The following PLPPR1 variants were observed in gnomAD, a reference collection of about 807,000 sequenced individuals.
PLPPR1 encodes phospholipid phosphatase related 1.
In PLPPR1, 10 loss-of-function variants were observed where a neutral mutation model predicts 33.1. The observed-to-expected ratio is 0.30, with a 90% CI of 0.19 to 0.51. The LOEUF is 0.51. Among genes scored for constraint, PLPPR1 ranks in the 20% least tolerant of loss-of-function variants. The probability of loss-of-function intolerance (pLI) is 0.97; values close to 1 mark genes in which losing one functional copy is unlikely to be tolerated. For synonymous variants in PLPPR1, 151 were observed against 151.0 expected (o/e 1.00, Z 0.00); for missense variants, 304 against 408.1 (o/e 0.74, Z 2.20).
chr9:101,186,768 A>T (rs1564169930), intron 2 of PLPPR1, among the ~76,000 whole-genome samples: 1 of 151,892 alleles, frequency 6.6e-6, no homozygotes, highest in African/African-American at 2.4e-5. Flanking sequence ...TAGATGAACA[A>T]ATATTTCATA....
At chr9:101,104,476 C>A (rs1445716694) in intron 1 of PLPPR1, among the ~76,000 whole-genome samples, 2 of 112,298 alleles carry the variant, frequency 1.8e-5, no homozygotes, top group Non-Finnish European at 3.5e-5. Flanking sequence ...ATTGAACCAG[C>A]CTTGCATCCC....
chr9:101,313,021 T>C (rs777442153), intron 6 of PLPPR1, 47 bp downstream of exon 6: 2 of 1,559,222 alleles, frequency 1.3e-6, no homozygotes, highest in Non-Finnish European at 1.8e-6. Context: ...TTCTACTCTC[T>C]GAAAAACTGT....
intron 4 of PLPPR1, among the ~76,000 whole-genome samples, chr9:101,287,351 A>C (rs966036318): frequency 6.6e-6 from 1 of 152,198 alleles, no homozygotes; most frequent in African/African-American, 2.4e-5. Flanking sequence ...GGCTCCTTCC[A>C]AAGATGTCCA....
intron 1 of PLPPR1, among the ~76,000 whole-genome samples, chr9:101,158,876 C>A (rs775311019): frequency 5.3e-5 from 8 of 152,178 alleles, no homozygotes; most frequent in Admixed American, 3.9e-4. Flanking sequence ...GGGGTACATG[C>A]TAGCACCAAT....
At chr9:101,160,206 G>T (rs1831754703) in intron 1 of PLPPR1, among the ~76,000 whole-genome samples, 1 of 152,146 alleles carries the variant, frequency 6.6e-6, no homozygotes, top group Admixed American at 6.5e-5. Context: ...CTAGAAAAGT[G>T]GGGTTGTGTC....
intron 3 of PLPPR1, among the ~76,000 whole-genome samples, chr9:101,284,552 T>C (rs773266923): frequency 1.3e-5 from 2 of 152,216 alleles, no homozygotes; most frequent in Non-Finnish European, 2.9e-5. Flanking sequence ...CATGCATATG[T>C]TAATTAGCTA....
chr9:101,238,065 C>T (rs1156405208), intron 2 of PLPPR1, among the ~76,000 whole-genome samples: 54 of 125,140 alleles, frequency 4.3e-4, no homozygotes, highest in Non-Finnish European at 5.4e-4. Flanking sequence ...CCTATATATA[C>T]GTGTGTGTGT....
intron 1 of PLPPR1, among the ~76,000 whole-genome samples, chr9:101,055,099 T>G (rs1401297574): frequency 6.6e-6 from 1 of 152,236 alleles, no homozygotes; most frequent in Non-Finnish European, 1.5e-5. Flanking sequence ...AACCAATGAT[T>G]ATATAAAATG....
At chr9:101,212,774 T>C (rs1325320494) in intron 2 of PLPPR1, among the ~76,000 whole-genome samples, 1 of 152,190 alleles carries the variant, frequency 6.6e-6, no homozygotes, top group South Asian at 2.1e-4. Context: ...GAATGAGAGA[T>C]ATCTGTAACG....
intron 1 of PLPPR1, among the ~76,000 whole-genome samples, chr9:101,097,291 T>C (rs1364223180): frequency 2.0e-5 from 3 of 152,202 alleles, no homozygotes; most frequent in African/African-American, 4.8e-5. Context: ...TGAGAACCAC[T>C]GTCCTAAGTA....
chr9:101,280,071 A>G (rs1828269816), intron 3 of PLPPR1, among the ~76,000 whole-genome samples: 1 of 152,148 alleles, frequency 6.6e-6, no homozygotes, highest in Non-Finnish European at 1.5e-5. Context: ...AAAAGAGATG[A>G]CTCAAACAAA....
chr9:101,137,819 C>T (rs906901327), intron 1 of PLPPR1, among the ~76,000 whole-genome samples: 5 of 152,190 alleles, frequency 3.3e-5, no homozygotes, highest in African/African-American at 1.2e-4. Context: ...TCCTAAACAT[C>T]CATGCCTGAT....
intron 2 of PLPPR1, among the ~76,000 whole-genome samples, chr9:101,255,605 G>C (rs991056753): frequency 6.6e-6 from 1 of 151,798 alleles, no homozygotes; most frequent in Non-Finnish European, 1.5e-5. Context: ...CCATTTTTTT[G>C]CTTTGGCCTT....
At chr9:101,039,317 G>A (rs1025219747) in intron 1 of PLPPR1, among the ~76,000 whole-genome samples, 1 of 152,038 alleles carries the variant, frequency 6.6e-6, no homozygotes, top group Non-Finnish European at 1.5e-5. Context: ...TCTGTGATAT[G>A]GAGATAATAA....
chr9:101,296,264 A>C (rs1267118840), intron 4 of PLPPR1, among the ~76,000 whole-genome samples: 2 of 151,826 alleles, frequency 1.3e-5, no homozygotes, highest in Non-Finnish European at 2.9e-5. Context: ...ATCTCACACC[A>C]GTTAGAATGG....
At chr9:101,190,573 T>C (rs1227415053) in intron 2 of PLPPR1, among the ~76,000 whole-genome samples, 1 of 152,124 alleles carries the variant, frequency 6.6e-6, no homozygotes, top group East Asian at 1.9e-4. Context: ...TTTTGTTTAT[T>C]TGTGGCAGTT....
At position 101,229,897 on chromosome 9, in the gene PLPPR1, C is replaced by T. The variant is rs924442404; in HGVS notation, c.64-39983C>T. ...TGTTTAATACTCAGTGGCAAACGTGCACTTCCTCTTGTAAGTTCTCATTAA... is the reference window on the plus strand; with the variant it reads ...TGTTTAATACTCAGTGGCAAACGTGTACTTCCTCTTGTAAGTTCTCATTAA... On this transcript the variant is annotated intron_variant, in intron 2 of 7. Transcript: ENST00000374874. Among the ~76,000 whole-genome samples the T allele has an allele frequency of 3.3e-5, 5 of 152,250 alleles. 1 individual carries two copies. The South Asian group carries it at 1.0e-3, about 32-fold the overall frequency.
intron 3 of PLPPR1, among the ~76,000 whole-genome samples, chr9:101,270,966 A>G (rs1161832362): frequency 1.3e-5 from 2 of 152,118 alleles, no homozygotes; most frequent in African/African-American, 2.4e-5. Context: ...GGAATATAGC[A>G]ATTGCTTAGA....
At chr9:101,125,721 T>C (rs1831238175) in intron 1 of PLPPR1, 3 of 729,588 alleles carry the variant, frequency 4.1e-6, no homozygotes, top group South Asian at 4.1e-5. Context: ...ACATAACCAA[T>C]ATTTTCAATG....
Sources: gnomAD v4.1 joint callset for allele counts (sites outside exome capture counted in the v4.1 genomes callset) on GRCh38, gnomAD v4.1.1 for gene constraint, MANE v1.5 for transcripts, NCBI Gene and HGNC (gene_info 2026-07-23, HGNC 2026-07-21) for gene names.